The following ADGRV1 variants were observed in gnomAD, a reference collection of about 807,000 sequenced individuals.
ADGRV1 encodes the protein adhesion G protein-coupled receptor V1.
Under a neutral mutation model 596.2 loss-of-function variants are expected in ADGRV1, and 359 were observed. The ratio of observed to expected loss-of-function variants is 0.60; its 90% CI spans 0.55 to 0.66. The LOEUF (loss-of-function observed/expected upper bound fraction) is 0.66, where lower values mean the gene tolerates loss of function less well. ADGRV1 is among the 30% of genes least tolerant of loss of function. The pLI, the probability that ADGRV1 is intolerant of heterozygous loss-of-function variation, is 0.00. For synonymous variants in ADGRV1, 2,681 were observed against 2,679.2 expected (o/e 1.00, Z -0.02); for missense variants, 7,274 against 7,575.6 (o/e 0.96, Z 1.48).
chr5:90,780,935 G>T (rs904271303), intron 64 of ADGRV1: 1 of 164,980 alleles, frequency 6.1e-6, no homozygotes, highest in African/African-American at 2.4e-5. Context: ...GGTATTGAGA[G>T]ATATTTCTTT....
intron 83 of ADGRV1, among the ~76,000 whole-genome samples, chr5:90,880,388 AT>A (rs1318405522): frequency 2.0e-5 from 3 of 152,228 alleles, no homozygotes; most frequent in Admixed American, 2.0e-4. Context: ...GATAGATGGA[AT>A]TTGAACAATC....
At chr5:90,801,467 G>GGGA (rs1308320146) in intron 70 of ADGRV1, among the ~76,000 whole-genome samples, 5 of 151,818 alleles carry the variant, frequency 3.3e-5, no homozygotes, top group Non-Finnish European at 7.4e-5. Context: ...CTTTCATGGG[G>GGGA]GGAGGGGTAC....
chr5:91,144,031 C>A (rs947300753), intron 87 of ADGRV1, among the ~76,000 whole-genome samples: 2 of 152,110 alleles, frequency 1.3e-5, no homozygotes, highest in African/African-American at 4.8e-5. Context: ...GGAGCAGGCA[C>A]TGGGAGTGTG....
chr5:91,126,307 A>G (rs1404547127), intron 87 of ADGRV1, among the ~76,000 whole-genome samples: 1 of 152,230 alleles, frequency 6.6e-6, no homozygotes, highest in Non-Finnish European at 1.5e-5. Flanking sequence ...TAACACCTCA[A>G]CCCAAACTGA....
chr5:90,813,024 T>G (rs1762571648), intron 74 of ADGRV1, among the ~76,000 whole-genome samples: 1 of 148,338 alleles, frequency 6.7e-6, no homozygotes, highest in South Asian at 2.2e-4. Context: ...TCCCAGCTAC[T>G]CGGGAGGCTG....
In ADGRV1 at chr5:90,627,607, T is replaced by A. The variant is rs1363420361; in HGVS notation, c.1069T>A (p.Ser357Thr). ...VDDTIPEIAESFHIMLLKDTL... is the reference protein window; with the variant it reads ...VDDTIPEIAETFHIMLLKDTL... ...TGACACCATACCGGAGATTGCTGAA[T>A]CGTTTCACATTATGTTACTAAAAGA... Residue 357 changes from serine to threonine, a missense_variant, in exon 7 of 90, where the codon TCG becomes ACG. By Grantham distance (58) the Ser-to-Thr change is moderately conservative. Around this residue, in one of 5 missense-constraint regions of ADGRV1, gnomAD observed 1,715 missense variants for 1,708.8 expected, o/e 1.00. Transcript: ENST00000405460. 3.1e-6 allele frequency: 5 copies of A among 1,613,810 alleles called. No homozygotes were observed. Among genetic ancestry groups the A allele is most frequent in the Non-Finnish European group, 4.2e-6 (5 of 1,179,872 alleles).
chr5:90,683,820 T>G lies in ADGRV1; in HGVS notation c.5899T>G (p.Leu1967Val). 6.2e-7 allele frequency: 1 copy of G among 1,613,872 alleles called. No homozygotes were observed. The highest frequency in any genetic ancestry group is 8.5e-7 in the Non-Finnish European group (1 of 1,179,862). ...GSLGAHINATLTVLASDDPYG... is the reference protein window; with the variant it reads ...GSLGAHINATVTVLASDDPYG... The stretch of plus-strand genomic sequence containing the variant: ...TTTGGGAGCTCATATTAATGCCACG[T>G]TAACAGTTTTGGCTAGTGATGATCC... Residue 1967 changes from leucine (L) to valine (V), a missense_variant, in exon 28 of 90, where the codon TTA becomes GTA. By Grantham distance (32) the Leu-to-Val change is conservative (BLOSUM62 1). Transcript: ENST00000405460.
At chr5:90,719,535 A>G (rs1471973102) in intron 43 of ADGRV1, among the ~76,000 whole-genome samples, 1 of 151,996 alleles carries the variant, frequency 6.6e-6, no homozygotes, top group Admixed American at 6.6e-5. Flanking sequence ...TTCACTCAAT[A>G]TAATGTTTAG....
chr5:90,853,218 A>G, intron 79 of ADGRV1, 66 bp from the exon 80 acceptor site: 1 of 1,446,796 alleles, frequency 6.9e-7, no homozygotes, highest in South Asian at 1.5e-5. Flanking sequence ...CACTTTAACA[A>G]ATATAAGTGG....
chr5:90,560,022 G>A (rs1331823939), intron 1 of ADGRV1, among the ~76,000 whole-genome samples: 1 of 152,118 alleles, frequency 6.6e-6, no homozygotes, highest in Non-Finnish European at 1.5e-5. Context: ...TGAGAAAAAT[G>A]TAGGTTACAG....
intron 10 of ADGRV1, 127 bp downstream of exon 10, chr5:90,635,417 C>T (rs1766053004): frequency 1.3e-6 from 1 of 758,084 alleles, no homozygotes; most frequent in Non-Finnish European, 2.1e-6. Flanking sequence ...AAGAAGCCTT[C>T]AGTATGTCAT....
intron 83 of ADGRV1, among the ~76,000 whole-genome samples, chr5:90,900,260 A>G (rs2150632611): frequency 6.6e-6 from 1 of 152,186 alleles, no homozygotes; most frequent in Non-Finnish European, 1.5e-5. Context: ...CCATTTAGAT[A>G]GAGATTTAAT....
intron 83 of ADGRV1, among the ~76,000 whole-genome samples, chr5:90,916,021 C>G (rs925143046): frequency 1.3e-5 from 2 of 152,076 alleles, no homozygotes; most frequent in Non-Finnish European, 2.9e-5. Flanking sequence ...TGTAGCATTT[C>G]TAAGAGGTTT....
chr5:90,840,176 C>T (rs577466706), intron 77 of ADGRV1, among the ~76,000 whole-genome samples: 1 of 152,296 alleles, frequency 6.6e-6, no homozygotes, highest in Admixed American at 6.5e-5. Context: ...TCTCTCTACT[C>T]TCCCCAGCCT....
chr5:91,028,260 C>T (rs968346086), intron 85 of ADGRV1, among the ~76,000 whole-genome samples: 6 of 152,066 alleles, frequency 3.9e-5, no homozygotes, highest in Admixed American at 6.6e-5. Flanking sequence ...TCTTCTCCCT[C>T]ATATCCAGCT....
At chr5:91,054,157 A>G (rs913681937) in intron 85 of ADGRV1, among the ~76,000 whole-genome samples, 6 of 151,534 alleles carry the variant, frequency 4.0e-5, no homozygotes, top group Non-Finnish European at 8.8e-5. Flanking sequence ...AACAGCTGCT[A>G]AAGAGAGCAA....
At chr5:91,153,870 C>T (rs1429533108) in intron 89 of ADGRV1, among the ~76,000 whole-genome samples, 1 of 152,180 alleles carries the variant, frequency 6.6e-6, no homozygotes, top group East Asian at 1.9e-4. Context: ...TACTCAGTCC[C>T]ACTCAACTTT....
At chr5:91,102,134 C>T in intron 86 of ADGRV1, 85 bp from the exon 87 acceptor site, 1 of 1,313,852 alleles carries the variant, frequency 7.6e-7, no homozygotes, top group Non-Finnish European at 1.0e-6. Flanking sequence ...ACTAGAATAC[C>T]ACAGAAAGAA....
chr5:90,652,059 CT>C (rs1768710095), intron 18 of ADGRV1, among the ~76,000 whole-genome samples: 1 of 151,996 alleles, frequency 6.6e-6, no homozygotes, highest in African/African-American at 2.4e-5. Context: ...CTGTACTTTG[CT>C]TTTGGAAAAC....
Sources: gnomAD v4.1 joint callset for allele counts (sites outside exome capture counted in the v4.1 genomes callset) on GRCh38, gnomAD v4.1.1 for gene constraint, gnomAD v4.1.1 regional missense constraint, MANE v1.5 for transcripts, NCBI Gene and HGNC (gene_info 2026-07-23, HGNC 2026-07-21) for gene names.